NOX5: variants seen among roughly 807,000 people sequenced by gnomAD.
NOX5 encodes NADPH oxidase 5.
A neutral mutation model predicts 85.7 loss-of-function variants in NOX5; 76 were observed. The ratio of observed to expected loss-of-function variants is 0.89; its 90% CI spans 0.74 to 1.07. The LOEUF is 1.07. Among genes scored for constraint, NOX5 ranks in the 50% least tolerant of loss-of-function variants. The pLI is 0.00. For missense variants in NOX5, 973 were observed against 999.5 expected (o/e 0.97, Z 0.36); for synonymous variants, 405 against 401.4 (o/e 1.01, Z -0.11).
intron 14 of NOX5, among the ~76,000 whole-genome samples, chr15:69,054,351 G>A (rs1230048961): frequency 6.6e-6 from 1 of 152,158 alleles, no homozygotes; most frequent in East Asian, 1.9e-4. Flanking sequence ...GGCCTTGTGG[G>A]CTCCTTCGTC....
Position 69,055,444 on chromosome 15 carries a change from G to A in NOX5, c.2110G>A (p.Asp704Asn). The change falls in exon 15 of 16, where the codon GAC becomes AAC. Residue 704 changes from aspartate to asparagine, a missense_variant. Coordinates refer to ENST00000388866, the MANE Select transcript of NOX5 (RefSeq NM_024505.4). ...LDLLANKEKK[D>N]SITGLQTRTQ... ...CCTCCTGGCCAACAAGGAGAAGAAA[G>A]ACTCCATCACGGGGCTGCAGACGCG... 7 of 1,614,194 alleles carry A rather than the reference G, an allele frequency of 4.3e-6. No homozygotes were observed. The highest frequency in any genetic ancestry group is 5.9e-6 in the Non-Finnish European group (7 of 1,180,036).
intron 11 of NOX5, chr15:69,047,195 G>A: frequency 3.2e-6 from 2 of 622,962 alleles, no homozygotes; most frequent in Non-Finnish European, 5.3e-6. Context: ...GTTTTCACTA[G>A]CTCTGCACTG....
intron 9 of NOX5, among the ~76,000 whole-genome samples, chr15:69,039,607 A>G (rs745617991): frequency 1.3e-5 from 2 of 152,090 alleles, no homozygotes; most frequent in Non-Finnish European, 2.9e-5. Context: ...GGATATAGGC[A>G]TTTTTAAGAG....
intron 14 of NOX5, 88 bp from the exon 15 acceptor site, chr15:69,055,246 C>A: frequency 7.1e-7 from 1 of 1,408,618 alleles, no homozygotes; most frequent in Non-Finnish European, 9.8e-7. Context: ...TCCTTCCAAG[C>A]CCCAGGGTAA....
Position 69,031,593 on chromosome 15 carries a change from T to G in NOX5, c.401T>G (p.Leu134Arg). ...GGCCCGCACTGGGCTTCATCCCCAC[T>G]CGGGACAGGCAGTGGCTCCATTGAC... ...GAGPHWASSP[L>R]GTGSGSIDPD... is the part of the protein sequence containing the mutation. The change falls in exon 4 of 16, where the codon CTC becomes CGC. Residue 134 changes from leucine to arginine, a missense_variant. Coordinates refer to ENST00000388866, the MANE Select transcript of NOX5 (RefSeq NM_024505.4). 6.2e-7 allele frequency: 1 copy of G among 1,613,164 alleles called. No individual in the cohort carries two copies. Among genetic ancestry groups the G allele is most frequent in the Non-Finnish European group, 8.5e-7 (1 of 1,180,038 alleles).
rs1255648294 is a variant in NOX5 at position 69,062,126 on chromosome 15, C to T, written c.*5430C>T. 1 of 152,158 alleles carries T rather than the reference C, an allele frequency of 6.6e-6. No individual in the cohort carries two copies. The highest frequency in any genetic ancestry group is 6.5e-5 in the Admixed American group (1 of 15,290). 9.4% of individuals were successfully genotyped at this position (152,158 alleles called of 1,614,324 possible). A position where few individuals can be genotyped will look rare whatever the true frequency, so the allele number is the denominator to read the frequency against. On this transcript the variant is annotated 3_prime_UTR_variant, in exon 16 of 16. Coordinates refer to ENST00000388866, the MANE Select transcript of NOX5 (RefSeq NM_024505.4). ...CCCTTGGCTCCTCTATCTCCCCCAT[C>T]TTCCTCCTTCAGCCAATCATCAAGC...
intron 1 of NOX5, among the ~76,000 whole-genome samples, chr15:69,025,555 G>A (rs371662125): frequency 3.3e-5 from 5 of 152,128 alleles, no homozygotes; most frequent in South Asian, 2.1e-4. Context: ...AGATGACTAC[G>A]GATGGGCTGT....
chr15:69,038,937 T>A lies in NOX5; in HGVS notation c.1452T>A (p.Ile484=), dbSNP rs1166469808. Residue 484 remains isoleucine (I), a synonymous_variant, in exon 9 of 16, where the codon ATT becomes ATA. Transcript: ENST00000388866. ...GDYLYLNIPT[I]ARYEWHPFTI... is the part of the protein sequence containing the mutation. ...ACTTGTATCTGAACATCCCCACCAT[T>A]GCTCGCTATGAGTGGCACCCCTTCA... The A allele has an allele frequency of 6.2e-7, 1 of 1,613,958 alleles. No individual in the cohort carries two copies. Among genetic ancestry groups the A allele is most frequent in the East Asian group, 2.2e-5 (1 of 44,888 alleles).
chr15:69,015,548 G>GCATGGGTGGGTCACC (rs1169143823), intron 1 of NOX5, among the ~76,000 whole-genome samples: 1 of 152,182 alleles, frequency 6.6e-6, no homozygotes, highest in Non-Finnish European at 1.5e-5. Flanking sequence ...TTCTCCAGGT[G>GCATGGGTGGGTCACC]CATGGGTGGG....
At chr15:69,051,880 A>C (rs186324579) in intron 14 of NOX5, among the ~76,000 whole-genome samples, 1 of 151,890 alleles carries the variant, frequency 6.6e-6, no homozygotes, top group African/African-American at 2.4e-5. Context: ...CTTAACATAC[A>C]TGAAGTCATT....
At chr15:69,019,845 A>C (rs548827140) in intron 1 of NOX5, among the ~76,000 whole-genome samples, 1 of 152,232 alleles carries the variant, frequency 6.6e-6, no homozygotes, top group Admixed American at 6.5e-5. Context: ...AGTACAATTC[A>C]TGTTCTCACC....
intron 10 of NOX5, among the ~76,000 whole-genome samples, chr15:69,044,474 G>T (rs1014345566): frequency 6.6e-6 from 1 of 152,154 alleles, no homozygotes; most frequent in Non-Finnish European, 1.5e-5. Flanking sequence ...AGAGAGGGTG[G>T]TTGTTCTCAA....
intron 14 of NOX5, among the ~76,000 whole-genome samples, chr15:69,054,595 G>A (rs1051869232): frequency 6.6e-6 from 1 of 152,152 alleles, no homozygotes; most frequent in African/African-American, 2.4e-5. Flanking sequence ...GTTTGTTCTA[G>A]CCTCTCACTC....
At chr15:69,027,757 G>A (rs1028927603) in intron 2 of NOX5, among the ~76,000 whole-genome samples, 3 of 152,134 alleles carry the variant, frequency 2.0e-5, no homozygotes, top group Non-Finnish European at 2.9e-5. Flanking sequence ...GCAAAAGAAA[G>A]GACTCAGATC....
chr15:69,054,399 C>T (rs1398071883), intron 14 of NOX5, among the ~76,000 whole-genome samples: 1 of 152,190 alleles, frequency 6.6e-6, no homozygotes, highest in Non-Finnish European at 1.5e-5. Flanking sequence ...CTCTGATGCC[C>T]TTCCTAAAGT....
intron 1 of NOX5, among the ~76,000 whole-genome samples, chr15:69,025,649 G>A (rs1047584417): frequency 1.3e-5 from 2 of 152,198 alleles, no homozygotes; most frequent in East Asian, 1.9e-4. Context: ...GAGGATTACT[G>A]TAGCTAAGTC....
rs756218127 is a variant in NOX5 at position 69,047,506 on chromosome 15, T to A, written c.1786T>A (p.Phe596Ile). 3 of 1,613,966 alleles carry A rather than the reference T, an allele frequency of 1.9e-6. No individual in the cohort carries two copies. The highest frequency in any genetic ancestry group is 2.5e-6 in the Non-Finnish European group (3 of 1,179,966). Reference sequence around the variant, plus strand: ...CGGGGCAGGCATCGGCATCACCCCCTTTGCTTCCATTCTGCAGAGTATCAT... The same window carrying A: ...CGGGGCAGGCATCGGCATCACCCCCATTGCTTCCATTCTGCAGAGTATCAT... The part of the protein sequence containing the change: ...LIGAGIGITP[F>I]ASILQSIMYR... The change falls in exon 12 of 16, where the codon TTT becomes ATT. Residue 596 changes from phenylalanine to isoleucine, a missense_variant. Phe to Ile is a conservative substitution (Grantham distance 21). Transcript: ENST00000388866.
intron 14 of NOX5, among the ~76,000 whole-genome samples, chr15:69,051,952 G>A (rs547843826): frequency 9.2e-5 from 14 of 152,020 alleles, no homozygotes; most frequent in African/African-American, 1.4e-4. Flanking sequence ...GGTGGCTCAC[G>A]CCTGTAATCT....
At chr15:69,022,041 T>G (rs1052531423) in intron 1 of NOX5, among the ~76,000 whole-genome samples, 2 of 152,206 alleles carry the variant, frequency 1.3e-5, no homozygotes, top group Non-Finnish European at 2.9e-5. Flanking sequence ...CTTTAGGGTT[T>G]GTTTGGAAGG....
Sources: gnomAD v4.1 joint callset for allele counts (sites outside exome capture counted in the v4.1 genomes callset) on GRCh38, gnomAD v4.1.1 for gene constraint, MANE v1.5 for transcripts, NCBI Gene and HGNC (gene_info 2026-07-23, HGNC 2026-07-21) for gene names.